KRABD5: variants seen among roughly 807,000 people sequenced by gnomAD.
KRABD5 encodes the protein KRAB domain-containing protein 5.
the KRABD5 span, among the ~76,000 whole-genome samples, chr16:31,721,858 G>A: frequency 3.9e-5 from 6 of 152,278 alleles, no homozygotes; most frequent in East Asian, 5.8e-4. Flanking sequence ...ATGCGGAAAC[G>A]CAGCCCCAGC....
chr16:31,759,353 C>A, the KRABD5 span: 4 of 1,522,082 alleles, frequency 2.6e-6, no homozygotes, highest in Non-Finnish European at 3.5e-6. Flanking sequence ...GTATTTTATT[C>A]CAGGCAAAAT....
the KRABD5 span, chr16:31,754,917 C>T: frequency 3.8e-5 from 17 of 448,226 alleles, no homozygotes; most frequent in Middle Eastern, 1.0e-3. Flanking sequence ...AATTCTAGTT[C>T]ATATTTTACT....
the KRABD5 span, among the ~76,000 whole-genome samples, chr16:31,716,603 C>T: frequency 6.6e-6 from 1 of 152,108 alleles, no homozygotes; most frequent in African/African-American, 2.4e-5. Context: ...TCATCACGAA[C>T]TCCTGGGCTC....
chr16:31,754,866 G>T, the KRABD5 span: 1 of 466,532 alleles, frequency 2.1e-6, no homozygotes, highest in African/African-American at 2.0e-5. Flanking sequence ...ATTCATACTG[G>T]AGAGAAACCA....
chr16:31,736,067 G>GT, the KRABD5 span, among the ~76,000 whole-genome samples: 1 of 152,102 alleles, frequency 6.6e-6, no homozygotes, highest in Non-Finnish European at 1.5e-5. Flanking sequence ...TTTTGAGTTG[G>GT]TTTTTGTATA....
chr16:31,714,420 A>G, the KRABD5 span: 1 of 456,230 alleles, frequency 2.2e-6, no homozygotes. Context: ...CAGTTGAGGT[A>G]GGATTGGCAG....
At chr16:31,737,010 A>G in the KRABD5 span, among the ~76,000 whole-genome samples, 2 of 152,204 alleles carry the variant, frequency 1.3e-5, no homozygotes, top group African/African-American at 4.8e-5. Context: ...ACAAAATTTA[A>G]CTTTCTTTAT....
At chr16:31,721,654 GATGAC>G in the KRABD5 span, among the ~76,000 whole-genome samples, 1 of 152,110 alleles carries the variant, frequency 6.6e-6, no homozygotes, top group Non-Finnish European at 1.5e-5. Flanking sequence ...AAACTGCTAG[GATGAC>G]ATCTAGTAAA....
At chr16:31,754,355 G>A in the KRABD5 span, 2 of 611,886 alleles carry the variant, frequency 3.3e-6, no homozygotes, top group Non-Finnish European at 5.8e-6. Context: ...TCAATGTCAA[G>A]GAATAGATAA....
the KRABD5 span, chr16:31,761,347 A>C: frequency 6.6e-6 from 1 of 152,128 alleles, no homozygotes; most frequent in African/African-American, 2.4e-5. Flanking sequence ...ATTAAAATTA[A>C]AATTTTATGA....
At chr16:31,756,323 C>G in the KRABD5 span, 2 of 151,878 alleles carry the variant, frequency 1.3e-5, no homozygotes, top group East Asian at 3.9e-4. Context: ...GTATTCTATA[C>G]TAAAGTAAAA....
chr16:31,715,634 G>T, the KRABD5 span, among the ~76,000 whole-genome samples: 1 of 152,182 alleles, frequency 6.6e-6, no homozygotes, highest in African/African-American at 2.4e-5. Context: ...AAGTATAGAT[G>T]GCCCCTGGGG....
At chr16:31,752,443 C>G in the KRABD5 span, among the ~76,000 whole-genome samples, 1 of 152,074 alleles carries the variant, frequency 6.6e-6, no homozygotes, top group Non-Finnish European at 1.5e-5. Context: ...TTTTATGAAT[C>G]TCGGTGCTCC....
the KRABD5 span, chr16:31,723,118 A>G: frequency 3.9e-5 from 36 of 925,926 alleles, 1 homozygote; most frequent in Middle Eastern, 2.3e-4. Flanking sequence ...TGAATATTCT[A>G]AAGAAGCTGA....
chr16:31,741,643 T>C, the KRABD5 span, among the ~76,000 whole-genome samples: 1 of 152,194 alleles, frequency 6.6e-6, no homozygotes. Context: ...TTGCCCACTT[T>C]TTAATGGGGT....
the KRABD5 span, chr16:31,755,965 G>A: frequency 6.1e-6 from 1 of 163,748 alleles, no homozygotes; most frequent in Non-Finnish European, 1.3e-5. Flanking sequence ...TTTGTTATGT[G>A]TTTCAAATGA....
At chr16:31,738,442 A>G in the KRABD5 span, among the ~76,000 whole-genome samples, 1 of 152,126 alleles carries the variant, frequency 6.6e-6, no homozygotes, top group Non-Finnish European at 1.5e-5. Context: ...CCCGTTTATA[A>G]TTATATAATG....
chr16:31,741,051 A>T, the KRABD5 span, among the ~76,000 whole-genome samples: 9 of 152,028 alleles, frequency 5.9e-5, no homozygotes, highest in East Asian at 1.7e-3. Context: ...TTTAGTTCCC[A>T]CTTATAAGAA....
chr16:31,744,689 G>C, the KRABD5 span, among the ~76,000 whole-genome samples: 3 of 152,182 alleles, frequency 2.0e-5, no homozygotes, highest in Non-Finnish European at 2.9e-5. Flanking sequence ...AATAGTTTCA[G>C]AAGGAATGTT....
Sources: allele counts gnomAD v4.1 joint callset (sites outside exome capture counted in the v4.1 genomes callset), GRCh38; gene constraint gnomAD v4.1.1; transcripts MANE v1.5; gene names NCBI Gene and HGNC (gene_info 2026-07-23, HGNC 2026-07-21).